TTLL11: variants seen among roughly 807,000 people sequenced by gnomAD.
The protein encoded by TTLL11 is tubulin polyglutamylase TTLL11.
TTLL11 carries 42 observed loss-of-function variants against 51.7 expected under a neutral mutation model. The observed-to-expected ratio is 0.81, with a 90% CI of 0.64 to 1.05. The LOEUF is 1.05. Among genes scored for constraint, TTLL11 ranks in the 50% least tolerant of loss-of-function variants. The pLI is 0.00. For missense variants in TTLL11, 799 were observed against 940.4 expected (o/e 0.85, Z 1.97); for synonymous variants, 381 against 383.5 (o/e 0.99, Z 0.08).
chr9:122,070,394 G>A (rs2131892051), intron 1 of TTLL11, among the ~76,000 whole-genome samples: 1 of 152,222 alleles, frequency 6.6e-6, no homozygotes, highest in East Asian at 1.9e-4. Context: ...GGCTGGCTAG[G>A]GAGGGCTTGA....
intron 6 of TTLL11, among the ~76,000 whole-genome samples, chr9:121,895,367 G>C (rs1839424939): frequency 6.6e-6 from 1 of 151,408 alleles, no homozygotes; most frequent in Non-Finnish European, 1.5e-5. Flanking sequence ...TGTGTGTATT[G>C]TGTGATGTGC....
chr9:121,926,954 G>A (rs1381752128), intron 6 of TTLL11, among the ~76,000 whole-genome samples: 1 of 152,138 alleles, frequency 6.6e-6, no homozygotes, highest in Non-Finnish European at 1.5e-5. Context: ...CTTCTCATGA[G>A]AGCCTCGCAC....
At chr9:121,923,058 A>G (rs1159623357) in intron 6 of TTLL11, among the ~76,000 whole-genome samples, 2 of 152,224 alleles carry the variant, frequency 1.3e-5, no homozygotes, top group Non-Finnish European at 2.9e-5. Context: ...AAAGGCAACA[A>G]TTATAACTCA....
intron 1 of TTLL11, among the ~76,000 whole-genome samples, chr9:122,057,585 C>T (rs1845325912): frequency 6.6e-6 from 1 of 152,138 alleles, no homozygotes. Context: ...CCTCAACCTC[C>T]CAAATCGCTG....
intron 8 of TTLL11, among the ~76,000 whole-genome samples, chr9:121,824,611 A>G (rs1564259281): frequency 6.6e-6 from 1 of 151,882 alleles, no homozygotes; most frequent in Non-Finnish European, 1.5e-5. Context: ...AAGTTGTTAA[A>G]AACTTAGTTA....
intron 6 of TTLL11, among the ~76,000 whole-genome samples, chr9:121,971,746 GAAA>G (rs768215225): frequency 3.1e-5 from 3 of 97,874 alleles, no homozygotes; most frequent in African/African-American, 1.1e-4. Context: ...TCTGCCTTGG[GAAA>G]AAAAAAAAAA....
intron 3 of TTLL11, among the ~76,000 whole-genome samples, chr9:122,004,641 G>C (rs183413545): frequency 2.0e-5 from 3 of 152,018 alleles, no homozygotes; most frequent in Non-Finnish European, 2.9e-5. Flanking sequence ...ATACTCTCTC[G>C]TTCATCTTTC....
At chr9:121,950,963 G>A (rs1182057765) in intron 6 of TTLL11, among the ~76,000 whole-genome samples, 3 of 152,144 alleles carry the variant, frequency 2.0e-5, no homozygotes, top group African/African-American at 4.8e-5. Flanking sequence ...TGATGATGAC[G>A]AGGGGACAAG....
chr9:121,865,900 G>A (rs1838160695), intron 7 of TTLL11, among the ~76,000 whole-genome samples: 1 of 152,154 alleles, frequency 6.6e-6, no homozygotes, highest in Admixed American at 6.5e-5. Context: ...GGCCAGACTG[G>A]CATTAGCATA....
At chr9:121,868,280 G>C (rs1015182562) in intron 7 of TTLL11, among the ~76,000 whole-genome samples, 1 of 152,132 alleles carries the variant, frequency 6.6e-6, no homozygotes, top group Non-Finnish European at 1.5e-5. Context: ...TATGTTACAA[G>C]GTCCAGGAAT....
intron 6 of TTLL11, among the ~76,000 whole-genome samples, chr9:121,906,226 A>T (rs1839940751): frequency 2.6e-5 from 4 of 152,196 alleles, no homozygotes; most frequent in African/African-American, 9.7e-5. Context: ...ATGAATCTGA[A>T]TCTGAGTCAG....
At chr9:121,872,307 C>T (rs994522277) in intron 6 of TTLL11, among the ~76,000 whole-genome samples, 3 of 152,230 alleles carry the variant, frequency 2.0e-5, no homozygotes, top group Non-Finnish European at 4.4e-5. Flanking sequence ...TGCCTCATCC[C>T]TATTTCTTGG....
rs901427423 is a variant in TTLL11, at chr9:121,974,171, T to G, written c.1366-47A>C. The G allele has an allele frequency of 2.1e-6, 3 of 1,437,482 alleles. No homozygotes were observed. The African/African-American group carries it at 4.2e-5, about 20-fold the overall frequency. The allele number at this position is 1,437,482 out of a possible 1,614,324, so 89.0% of individuals were successfully genotyped here. A position where few individuals can be genotyped will look rare whatever the true frequency, so the allele number is the denominator to read the frequency against. On this transcript the variant is annotated intron_variant, in intron 5 of 8. Coordinates refer to ENST00000321582, the MANE Select transcript of TTLL11 (RefSeq NM_001139442.2). ...TGTCACAGTGGAGACCGTGATTCCG[T>G]GCCAAGTGGCTATCCAGCTAGCTCC...
intron 6 of TTLL11, among the ~76,000 whole-genome samples, chr9:121,937,416 G>T (rs1211785736): frequency 1.3e-5 from 2 of 152,094 alleles, no homozygotes; most frequent in Non-Finnish European, 2.9e-5. Flanking sequence ...ATAATTGATG[G>T]GGCCAGAATT....
At chr9:121,883,296 G>A (rs1286790459) in intron 6 of TTLL11, among the ~76,000 whole-genome samples, 2 of 152,182 alleles carry the variant, frequency 1.3e-5, no homozygotes, top group Non-Finnish European at 2.9e-5. Flanking sequence ...ACTCTCCAGA[G>A]GTGTTGAGGG....
At chr9:122,032,797 C>CTTTT (rs11371856) in intron 2 of TTLL11, among the ~76,000 whole-genome samples, 26 of 138,620 alleles carry the variant, frequency 1.9e-4, no homozygotes, top group African/African-American at 7.0e-4. Context: ...TTCATTTTTT[C>CTTTT]TTTTTTTTTT....
intron 6 of TTLL11, among the ~76,000 whole-genome samples, chr9:121,879,451 G>T (rs1838692541): frequency 6.6e-6 from 1 of 152,204 alleles, no homozygotes; most frequent in Admixed American, 6.5e-5. Flanking sequence ...TCTCTATTGA[G>T]GATGAAGTAA....
intron 6 of TTLL11, among the ~76,000 whole-genome samples, chr9:121,969,365 C>T (rs1005274196): frequency 3.3e-5 from 5 of 152,074 alleles, no homozygotes; most frequent in African/African-American, 7.2e-5. Flanking sequence ...GTTCTTCCCC[C>T]GGTAGACTGC....
At position 121,821,754 on chromosome 9, in the gene TTLL11, C is replaced by T. The variant is rs1263378370; in HGVS notation, c.*833G>A. Among the ~76,000 whole-genome samples, 1 of 152,138 alleles carries T rather than the reference C, an allele frequency of 6.6e-6. No individual in the cohort carries two copies. The highest frequency in any genetic ancestry group is 6.5e-5 in the Admixed American group (1 of 15,274). ...TGATTTCCTTCCCTCACCCAGGGCTCCCAGCACAGTGCTGGGCATGCAGGG... is the reference window on the plus strand; with the variant it reads ...TGATTTCCTTCCCTCACCCAGGGCTTCCAGCACAGTGCTGGGCATGCAGGG... On this transcript the variant is annotated 3_prime_UTR_variant, in exon 9 of 9. Transcript: ENST00000321582. The surrounding 1 kb of genome is among the most constrained non-coding windows in gnomAD (Gnocchi z 5.0).
Sources: gnomAD v4.1 joint callset for allele counts (sites outside exome capture counted in the v4.1 genomes callset) on GRCh38, gnomAD v4.1.1 for gene constraint, Gnocchi (gnomAD v3.1) non-coding constraint, MANE v1.5 for transcripts, NCBI Gene and HGNC (gene_info 2026-07-23, HGNC 2026-07-21) for gene names.